Variants in GALNT10 observed in about 807,000 individuals in gnomAD.
GALNT10 encodes GalNAc transferase 10.
Under a neutral mutation model 75.0 loss-of-function variants are expected in GALNT10, and 41 were observed. The observed-to-expected ratio is 0.55, with a 90% CI of 0.43 to 0.71. GALNT10 has a LOEUF of 0.71. Ranked by LOEUF, GALNT10 falls within the 30% of genes least tolerant of loss-of-function variation. The pLI is 0.00. For synonymous variants in GALNT10, 302 were observed against 313.0 expected (o/e 0.96, Z 0.37); for missense variants, 727 against 818.5 (o/e 0.89, Z 1.36).
chr5:154,382,581 T>C (rs13183153), intron 6 of GALNT10, among the ~76,000 whole-genome samples: 57,112 of 152,050 alleles, frequency 0.38, 11,136 homozygotes, highest in East Asian at 0.52. Context: ...GATCCTCAGG[T>C]CTAGGTAGAA....
chr5:154,329,500 C>T, intron 3 of GALNT10, 72 bp from the exon 4 acceptor site: 1 of 1,276,466 alleles, frequency 7.8e-7, no homozygotes, highest in Non-Finnish European at 1.1e-6. Context: ...GTTAGCCAAA[C>T]CCTGTGCCTG....
intron 1 of GALNT10, among the ~76,000 whole-genome samples, chr5:154,262,691 C>T (rs915741167): frequency 6.6e-6 from 1 of 152,186 alleles, no homozygotes; most frequent in African/African-American, 2.4e-5. Context: ...TTGTGCTCAG[C>T]ACTAAGCTGG....
chr5:154,353,873 A>C (rs972737716), intron 4 of GALNT10, among the ~76,000 whole-genome samples: 1 of 152,054 alleles, frequency 6.6e-6, no homozygotes, highest in African/African-American at 2.4e-5. Context: ...CCTGACTCCC[A>C]GCTCTTATGT....
rs1390097371 is a variant in GALNT10, at chr5:154,416,105, A to T, written c.1653+173A>T. Among the ~76,000 whole-genome samples, 1 of 152,214 alleles carries T rather than the reference A, an allele frequency of 6.6e-6. No individual in the cohort carries two copies. Among genetic ancestry groups the T allele is most frequent in the African/African-American group, 2.4e-5 (1 of 41,462 alleles). On this transcript the variant is annotated intron_variant, in intron 11 of 11. Transcript: ENST00000297107. This position sits in a 1 kb window ranked among gnomAD's most constrained non-coding sequence, Gnocchi z 4.5. Reference sequence around the variant, plus strand: ...AGTCAGAAATCTAGACTTCACTGTGAAATCCTCAAGTCTTAAATGTTGGCA... The same window carrying T: ...AGTCAGAAATCTAGACTTCACTGTGTAATCCTCAAGTCTTAAATGTTGGCA...
At chr5:154,354,360 T>C (rs985432469) in intron 4 of GALNT10, among the ~76,000 whole-genome samples, 10 of 152,182 alleles carry the variant, frequency 6.6e-5, no homozygotes, top group African/African-American at 2.4e-4. Flanking sequence ...CAAGGGGTGA[T>C]GACTGCAGCT....
At chr5:154,244,858 A>G (rs1257205282) in intron 1 of GALNT10, among the ~76,000 whole-genome samples, 1 of 152,210 alleles carries the variant, frequency 6.6e-6, no homozygotes, top group Non-Finnish European at 1.5e-5. Context: ...CCCAGCAGAG[A>G]GAACACAGCA....
At chr5:154,192,560 T>A (rs1453080276) in intron 1 of GALNT10, among the ~76,000 whole-genome samples, 1 of 152,250 alleles carries the variant, frequency 6.6e-6, no homozygotes, top group Non-Finnish European at 1.5e-5. Flanking sequence ...TTCATCTCCT[T>A]TTCTGAGCCT....
At chr5:154,200,866 A>G (rs139455087) in intron 1 of GALNT10, among the ~76,000 whole-genome samples, 296 of 152,314 alleles carry the variant, frequency 1.9e-3, no homozygotes, top group African/African-American at 6.7e-3. Context: ...TTGAACAGTG[A>G]TGGCCCATAG....
chr5:154,328,575 G>A (rs1305291081), intron 3 of GALNT10, among the ~76,000 whole-genome samples: 1 of 152,224 alleles, frequency 6.6e-6, no homozygotes, highest in Non-Finnish European at 1.5e-5. Flanking sequence ...CACCAGCCTG[G>A]TGTCCTGTGA....
At chr5:154,290,258 A>ATTTTTTTT (rs71577131) in intron 1 of GALNT10, among the ~76,000 whole-genome samples, 82 of 98,888 alleles carry the variant, frequency 8.3e-4, no homozygotes, top group African/African-American at 1.7e-3. Flanking sequence ...CACTCAGCTA[A>ATTTTTTTT]TTTTTTTTTT....
At chr5:154,280,932 T>G (rs1221191679) in intron 1 of GALNT10, among the ~76,000 whole-genome samples, 2 of 152,238 alleles carry the variant, frequency 1.3e-5, no homozygotes, top group Admixed American at 6.5e-5. Flanking sequence ...AACAACTGAA[T>G]GCATATAGTT....
chr5:154,393,075 A>AAAAAAC (rs1432597513), intron 7 of GALNT10: 11 of 150,854 alleles, frequency 7.3e-5, no homozygotes, highest in African/African-American at 2.7e-4. Flanking sequence ...AAAAAAAAAA[A>AAAAAAC]AAACCCATTT....
chr5:154,404,023 G>A, intron 7 of GALNT10, 81 bp from the exon 8 acceptor site: 1 of 1,034,980 alleles, frequency 9.7e-7, no homozygotes, highest in Non-Finnish European at 1.5e-6. Context: ...CTTTTGCTGA[G>A]TGCACTAAGG....
In GALNT10 at chr5:154,254,351, A is replaced by G. The variant is rs369905273; in HGVS notation, c.160-40465A>G. Among the ~76,000 whole-genome samples the G allele has an allele frequency of 3.9e-5, 6 of 152,164 alleles. No homozygotes were observed. The South Asian group carries it at 8.3e-4, about 21-fold the overall frequency. On this transcript the variant is annotated intron_variant, in intron 1 of 11. Transcript: ENST00000297107. ...TATTCTTCATCCCTTTGATTCTTCC[A>G]GTGCCTCTTACATATATAGTAGATG...
chr5:154,302,219 C>T (rs1032980736), intron 3 of GALNT10, among the ~76,000 whole-genome samples: 3 of 152,240 alleles, frequency 2.0e-5, no homozygotes, highest in Non-Finnish European at 2.9e-5. Flanking sequence ...TGAATTTTGG[C>T]AACAGCATGT....
intron 7 of GALNT10, among the ~76,000 whole-genome samples, chr5:154,397,435 C>A (rs1208458468): frequency 5.3e-5 from 8 of 152,310 alleles, no homozygotes; most frequent in Non-Finnish European, 1.0e-4. Context: ...GTCCTCTGAG[C>A]TTCTACATTA....
intron 4 of GALNT10, among the ~76,000 whole-genome samples, chr5:154,356,504 A>G (rs1755300793): frequency 6.6e-6 from 1 of 152,238 alleles, no homozygotes; most frequent in Non-Finnish European, 1.5e-5. Flanking sequence ...TCTCTGATTC[A>G]TAATTTCACC....
intron 3 of GALNT10, among the ~76,000 whole-genome samples, chr5:154,303,880 A>G (rs1235104324): frequency 1.3e-5 from 2 of 152,230 alleles, no homozygotes; most frequent in Non-Finnish European, 2.9e-5. Context: ...CACTCAATCA[A>G]CCAACCCAGG....
chr5:154,268,075 G>A (rs142278932), intron 1 of GALNT10, among the ~76,000 whole-genome samples: 225 of 152,254 alleles, frequency 1.5e-3, no homozygotes, highest in African/African-American at 5.4e-3. Flanking sequence ...CCAAATAATT[G>A]CTTATAACAT....
Sources: gnomAD v4.1 joint callset for allele counts (sites outside exome capture counted in the v4.1 genomes callset) on GRCh38, gnomAD v4.1.1 for gene constraint, Gnocchi (gnomAD v3.1) non-coding constraint, MANE v1.5 for transcripts, NCBI Gene and HGNC (gene_info 2026-07-23, HGNC 2026-07-21) for gene names.